The following UFSP2 variants were observed in gnomAD, a reference collection of about 807,000 sequenced individuals.
UFSP2 encodes the protein ufm1-specific protease 2.
UFSP2 carries 43 observed loss-of-function variants against 60.2 expected under a neutral mutation model. The ratio of observed to expected loss-of-function variants is 0.71; its 90% CI spans 0.56 to 0.92. The LOEUF is 0.92. UFSP2 is among the 40% of genes least tolerant of loss of function. The pLI is 0.00. For synonymous variants in UFSP2, 183 were observed against 195.1 expected (o/e 0.94, Z 0.52); for missense variants, 520 against 575.0 (o/e 0.90, Z 0.98).
intron 1 of UFSP2, among the ~76,000 whole-genome samples, chr4:185,423,549 A>G (rs1348484808): frequency 1.7e-5 from 2 of 115,582 alleles, no homozygotes; most frequent in East Asian, 6.7e-4. Context: ...CCTAACTGCC[A>G]ACAATAGATT....
In UFSP2 at chr4:185,413,792, T is replaced by C. The variant is rs771693106; in HGVS notation, c.765A>G (p.Pro255=). The C allele has an allele frequency of 6.2e-7, 1 of 1,613,540 alleles. No individual in the cohort carries two copies. The highest frequency in any genetic ancestry group is 8.5e-7 in the Non-Finnish European group (1 of 1,179,634). Residue 255 remains proline (P), a synonymous_variant, in exon 7 of 12, where the codon CCA becomes CCG. Coordinates refer to ENST00000264689, the MANE Select transcript of UFSP2 (RefSeq NM_018359.5). ...RSNAYHFPDE[P]YKDGYIRNPH... Reference sequence around the variant, plus strand: ...GATTTCTAATGTAACCATCTTTGTATGGCTCATCTGGAAAGTGATAAGCAT... The same window carrying C: ...GATTTCTAATGTAACCATCTTTGTACGGCTCATCTGGAAAGTGATAAGCAT...
At chr4:185,419,542 C>T (rs2095545776) in intron 2 of UFSP2, among the ~76,000 whole-genome samples, 1 of 152,238 alleles carries the variant, frequency 6.6e-6, no homozygotes, top group African/African-American at 2.4e-5. Flanking sequence ...TATGATCTCA[C>T]AGTTTTTATC....
intron 11 of UFSP2, among the ~76,000 whole-genome samples, chr4:185,401,491 A>G (rs569177638): frequency 6.6e-6 from 1 of 152,274 alleles, no homozygotes; most frequent in Non-Finnish European, 1.5e-5. Flanking sequence ...ATTGGTAGAG[A>G]GGGTGTCAGA....
chr4:185,408,301 CCT>C lies in UFSP2; in HGVS notation c.964_965del (p.Arg322ValfsTer33). On this transcript the variant is annotated frameshift_variant, in exon 8 of 12. Transcript: ENST00000264689. LOFTEE classifies it high-confidence loss of function. The part of the protein sequence containing the change: ...SWFKHQGYTE[R>X]SIPTHREIQQ... ...GAATTTCTCTGTGTGTTGGAATGGA[CCT>C]CTCTGTGTATCCCTGATGTTTGAAC... The C allele has an allele frequency of 1.2e-6, 2 of 1,614,138 alleles. No individual in the cohort carries two copies. The highest frequency in any genetic ancestry group is 1.7e-6 in the Non-Finnish European group (2 of 1,180,018).
intron 6 of UFSP2, among the ~76,000 whole-genome samples, chr4:185,414,272 G>A (rs1012398632): frequency 1.3e-5 from 2 of 152,042 alleles, no homozygotes; most frequent in Admixed American, 6.6e-5. Context: ...AAATTGTGTC[G>A]AGTGCCTTAC....
chr4:185,425,804 T>C (rs1580093905), intron 1 of UFSP2, 62 bp downstream of exon 1: 3 of 1,578,286 alleles, frequency 1.9e-6, no homozygotes, highest in East Asian at 4.7e-5. Flanking sequence ...TGAAGCCCGC[T>C]CGTGGCGGCT....
At chr4:185,415,378 A>G (rs2095536713) in intron 5 of UFSP2, 31 bp from the exon 6 acceptor site, 2 of 1,514,298 alleles carry the variant, frequency 1.3e-6, no homozygotes, top group Non-Finnish European at 1.8e-6. Flanking sequence ...GTGTATTAAC[A>G]AAAGTTATAG....
intron 4 of UFSP2, among the ~76,000 whole-genome samples, chr4:185,418,071 C>CACACACACACA (rs761008119): frequency 0.047 from 7,189 of 151,638 alleles, 208 homozygotes; most frequent in South Asian, 0.081. Context: ...CACACACAAA[C>CACACACACACA]AACAGAACCA....
intron 4 of UFSP2, among the ~76,000 whole-genome samples, chr4:185,417,968 C>T (rs1199094657): frequency 6.6e-6 from 1 of 151,286 alleles, no homozygotes; most frequent in Non-Finnish European, 1.5e-5. Context: ...CACTTGAACC[C>T]GGGAGGCGGA....
In UFSP2 at chr4:185,415,271, C is replaced by G. The variant is rs773978794; in HGVS notation, c.568G>C (p.Gly190Arg). The G allele has an allele frequency of 1.2e-6, 2 of 1,601,014 alleles. No homozygotes were observed. The highest frequency in any genetic ancestry group is 2.3e-5 in the South Asian group (2 of 87,744). ...MEKCILKYMK[G>R]TSIVVPEPLH... The stretch of plus-strand genomic sequence containing the variant: ...GGTTCAGGGACCACAATAGATGTTC[C>G]TTTCATATATTTCAAAATACATTTT... Residue 190 changes from glycine to arginine, a missense_variant, in exon 6 of 12, where the codon GGA becomes CGA. Transcript: ENST00000264689.
rs774157912 is a variant in UFSP2, at chr4:185,408,305, T to C, written c.962A>G (p.Glu321Gly). The change falls in exon 8 of 12, where the codon GAG becomes GGG. Residue 321 changes from glutamate to glycine, a missense_variant. Physicochemically the swap from Glu to Gly is moderately conservative, Grantham distance 98. Coordinates refer to ENST00000264689, the MANE Select transcript of UFSP2 (RefSeq NM_018359.5). The part of the protein sequence containing the change: ...CSWFKHQGYT[E>G]RSIPTHREIQ... ...TTCTCTGTGTGTTGGAATGGACCTC[T>C]CTGTGTATCCCTGATGTTTGAACCA... The C allele has an allele frequency of 1.9e-6, 3 of 1,614,194 alleles. No individual in the cohort carries two copies. Among genetic ancestry groups the C allele is most frequent in the Non-Finnish European group, 2.5e-6 (3 of 1,180,026 alleles).
chr4:185,399,822 T>G lies in UFSP2; in HGVS notation c.*570A>C. Reference sequence around the variant, plus strand: ...TTTTTCCTCCCGCAGTGATCTCTTGTTTGCATAGCATTTATTATTCCATTT... The same window carrying G: ...TTTTTCCTCCCGCAGTGATCTCTTGGTTGCATAGCATTTATTATTCCATTT... On this transcript the variant is annotated 3_prime_UTR_variant, in exon 12 of 12. Transcript: ENST00000264689. The G allele has an allele frequency of 6.2e-7, 1 of 1,609,188 alleles. No individual in the cohort carries two copies. The highest frequency in any genetic ancestry group is 8.5e-7 in the Non-Finnish European group (1 of 1,177,196).
At chr4:185,425,688 T>TC (rs1354503861) in intron 1 of UFSP2, among the ~76,000 whole-genome samples, 178 bp downstream of exon 1, 2 of 152,080 alleles carry the variant, frequency 1.3e-5, no homozygotes, top group Admixed American at 1.3e-4. Context: ...TAGGGCACTT[T>TC]CCCCCCGGCC....
intron 9 of UFSP2, among the ~76,000 whole-genome samples, chr4:185,407,608 T>C (rs888425994): frequency 1.3e-5 from 2 of 151,952 alleles, no homozygotes; most frequent in African/African-American, 2.4e-5. Flanking sequence ...TTTTAAAAGA[T>C]TGGAGCATAA....
At position 185,400,409 on chromosome 4, in the gene UFSP2, G is replaced by A. The variant is rs897427610; in HGVS notation, c.1393C>T (p.Arg465Ter). 16 of 1,612,898 alleles carry A rather than the reference G, an allele frequency of 9.9e-6. No homozygotes were observed. The highest frequency in any genetic ancestry group is 6.7e-5 in the East Asian group (3 of 44,824). The change falls in exon 12 of 12, where the codon CGA becomes TGA. Residue 465 changes from arginine to a stop codon, truncating the protein, a stop_gained. Coordinates refer to ENST00000264689, the MANE Select transcript of UFSP2 (RefSeq NM_018359.5). LOFTEE classifies it high-confidence loss of function. Reference sequence around the variant, plus strand: ...AAGATATTTTAAATCATATTTGGTCGCTGAGGAAGACATAAGTTATAGTAT... The same window carrying A: ...AAGATATTTTAAATCATATTTGGTCACTGAGGAAGACATAAGTTATAGTAT... ...DAYYNLCLPQRPNMI is the reference protein window; with the variant it reads ...DAYYNLCLPQ
intron 7 of UFSP2, among the ~76,000 whole-genome samples, chr4:185,411,039 CA>C (rs554315419): frequency 7.3e-6 from 1 of 137,574 alleles, no homozygotes; most frequent in African/African-American, 2.7e-5. Flanking sequence ...AAAGAAAGAG[CA>C]AAAAAAAAGA....
intron 6 of UFSP2, among the ~76,000 whole-genome samples, chr4:185,414,712 C>G (rs756467022): frequency 4.6e-5 from 7 of 152,130 alleles, no homozygotes; most frequent in Non-Finnish European, 7.4e-5. Context: ...TCTAATAAAG[C>G]CCAAATAACC....
At chr4:185,418,325 G>T in intron 4 of UFSP2, 116 bp downstream of exon 4, 4 of 731,596 alleles carry the variant, frequency 5.5e-6, no homozygotes, top group Non-Finnish European at 8.5e-6. Context: ...TAATCTTTTT[G>T]GACATCAATA....
Position 185,422,544 on chromosome 4 carries a change from T to C in UFSP2, c.23A>G (p.Asp8Gly), listed in dbSNP as rs757558542. The C allele has an allele frequency of 6.2e-7, 1 of 1,608,390 alleles. No individual in the cohort carries two copies. Among genetic ancestry groups the C allele is most frequent in the Non-Finnish European group, 8.5e-7 (1 of 1,178,306 alleles). The stretch of plus-strand genomic sequence containing the variant: ...GCCTCCTCTTATTCTGAAGAGTATA[T>C]CCATACTTTCTGAAATCACCTAGAA... MVISESM[D>G]ILFRIRGGLD... Residue 8 changes from aspartate (D) to glycine (G), a missense_variant, in exon 2 of 12, where the codon GAT becomes GGT. By Grantham distance (94) the Asp-to-Gly change is moderately conservative. Coordinates refer to ENST00000264689, the MANE Select transcript of UFSP2 (RefSeq NM_018359.5).
Sources: allele counts gnomAD v4.1 joint callset (sites outside exome capture counted in the v4.1 genomes callset), GRCh38; gene constraint gnomAD v4.1.1; transcripts MANE v1.5; gene names NCBI Gene and HGNC (gene_info 2026-07-23, HGNC 2026-07-21).